Variants in KNOP1 observed in about 807,000 individuals in gnomAD.
KNOP1 encodes lysine-rich nucleolar protein 1.
Under a neutral mutation model 30.6 loss-of-function variants are expected in KNOP1, and 20 were observed. The ratio of observed to expected loss-of-function variants is 0.65; its 90% CI spans 0.46 to 0.95. The LOEUF (loss-of-function observed/expected upper bound fraction) is 0.95. Ranked by LOEUF, KNOP1 falls within the 40% of genes least tolerant of loss-of-function variation. The pLI is 0.00. For missense variants in KNOP1, 540 were observed against 562.0 expected, an observed-to-expected ratio of 0.96 and a Z score of 0.40; for synonymous variants, 204 against 210.0, an observed-to-expected ratio of 0.97 and a Z score of 0.25.
intron 2 of KNOP1, 44 bp downstream of exon 2, chr16:19,714,074 C>A: frequency 6.4e-7 from 1 of 1,558,010 alleles, no homozygotes; most frequent in Non-Finnish European, 8.7e-7. Context: ...AAACCCCACC[C>A]TTAATTCTCC....
intron 3 of KNOP1, among the ~76,000 whole-genome samples, chr16:19,710,987 A>C (rs11644834): frequency 0.34 from 51,776 of 151,482 alleles, 13,854 homozygotes; most frequent in African/African-American, 0.75. Context: ...GCCACGGGAT[A>C]TGGGAACGAC....
rs1976198576 is a variant in KNOP1 at position 19,702,420 on chromosome 16, T to C, written c.*4490A>G. On this transcript the variant is annotated 3_prime_UTR_variant, in exon 5 of 5. Coordinates refer to ENST00000219837, the MANE Select transcript of KNOP1 (RefSeq NM_001012991.3). ...TGAGGCTGAACGTGGTGGGCAGCAT[T>C]AGTTCCCAAGCCTAGGCCAGTGAAT... 6.6e-6 allele frequency: 1 copy of C among 152,256 alleles called. No homozygotes were observed. The highest frequency in any genetic ancestry group is 2.1e-4 in the South Asian group (1 of 4,836). The allele number at this position is 152,256 out of a possible 1,614,324, so 9.4% of individuals were successfully genotyped here.
rs1242528218 is a variant in KNOP1, at chr16:19,714,689, T to G, written c.347A>C (p.Asn116Thr). ...HLEFLSGEKK[N>T]KKSPLAMSHA... ...GGACATGGCTAGAGGTGACTTCTTA[T>G]TTTTCTTTTCCCCACTGAGGAACTC... The change falls in exon 2 of 5, where the codon AAT becomes ACT. Residue 116 changes from asparagine to threonine, a missense_variant. Coordinates refer to ENST00000219837, the MANE Select transcript of KNOP1 (RefSeq NM_001012991.3). 6.2e-7 allele frequency: 1 copy of G among 1,614,130 alleles called. No homozygotes were observed. The highest frequency in any genetic ancestry group is 8.5e-7 in the Non-Finnish European group (1 of 1,180,014).
intron 3 of KNOP1, 116 bp downstream of exon 3, chr16:19,711,256 T>C (rs955020541): frequency 9.9e-6 from 10 of 1,006,130 alleles, no homozygotes; most frequent in Admixed American, 1.8e-5. Flanking sequence ...CAGTGGCCTC[T>C]GGAGTCCCTG....
At chr16:19,712,886 G>T (rs1255768315) in intron 2 of KNOP1, among the ~76,000 whole-genome samples, 1 of 152,128 alleles carries the variant, frequency 6.6e-6, no homozygotes, top group Non-Finnish European at 1.5e-5. Flanking sequence ...GTGGGTCTGG[G>T]GAGCCACCAG....
chr16:19,707,976 C>T (rs1216593952), intron 4 of KNOP1, among the ~76,000 whole-genome samples: 1 of 137,948 alleles, frequency 7.2e-6, no homozygotes, highest in Admixed American at 7.3e-5. Context: ...CACCTCCCTA[C>T]ACAGCGCACC....
chr16:19,706,951 T>C lies in KNOP1; in HGVS notation c.1336A>G (p.Ile446Val), dbSNP rs370127320. 1.2e-6 allele frequency: 2 copies of C among 1,613,276 alleles called. No homozygotes were observed. The highest frequency in any genetic ancestry group is 1.7e-6 in the Non-Finnish European group (2 of 1,180,016). Residue 446 changes from isoleucine to valine, a missense_variant, in exon 5 of 5, where the codon ATT becomes GTT. Physicochemically the swap from Ile to Val is conservative, Grantham distance 29 (BLOSUM62 3). Transcript: ENST00000219837. ...FSTAPNKIFY[I>V]DRNASKSVKL... ...ACTGACTTGGAAGCGTTCCTGTCAA[T>C]GTAAAAGATCTTGTTGGGGGCGGTG...
chr16:19,716,305 G>A (rs1292007481), intron 1 of KNOP1, among the ~76,000 whole-genome samples: 2 of 152,202 alleles, frequency 1.3e-5, no homozygotes, highest in Non-Finnish European at 2.9e-5. Flanking sequence ...CACCCATCAA[G>A]AAGCAAGTAG....
At chr16:19,711,312 G>A in intron 3 of KNOP1, 60 bp downstream of exon 3, 1 of 1,549,776 alleles carries the variant, frequency 6.5e-7, no homozygotes, top group Non-Finnish European at 8.9e-7. Flanking sequence ...CAGGCAGCAA[G>A]TGAGACTCCA....
chr16:19,703,948 C>CTATT lies in KNOP1; in HGVS notation c.*2958_*2961dup, dbSNP rs1976260343. 6.6e-6 allele frequency: 1 copy of CTATT among 152,222 alleles called. No individual in the cohort carries two copies. Among genetic ancestry groups the CTATT allele is most frequent in the Non-Finnish European group, 1.5e-5 (1 of 68,098 alleles). The allele number at this position is 152,222 out of a possible 1,614,324, so 9.4% of individuals were successfully genotyped here. A position where few individuals can be genotyped will look rare whatever the true frequency, so the allele number is the denominator to read the frequency against. On this transcript the variant is annotated 3_prime_UTR_variant, in exon 5 of 5. Coordinates refer to ENST00000219837, the MANE Select transcript of KNOP1 (RefSeq NM_001012991.3). Reference sequence around the variant, plus strand: ...TGATGTTGAGTTAGAAAGTCACAGCCTATTACAGACAGAATTTACACCAGG... The same window carrying CTATT: ...TGATGTTGAGTTAGAAAGTCACAGCCTATTTATTACAGACAGAATTTACACCAGG...
rs1976237698 is a variant in KNOP1 at position 19,703,323 on chromosome 16, TTCTTA to T, written c.*3582_*3586del. 6.6e-6 allele frequency: 1 copy of T among 152,168 alleles called. No homozygotes were observed. The highest frequency in any genetic ancestry group is 2.1e-4 in the South Asian group (1 of 4,818). The allele number at this position is 152,168 out of a possible 1,614,324, so 9.4% of individuals were successfully genotyped here. A position where few individuals can be genotyped will look rare whatever the true frequency, so the allele number is the denominator to read the frequency against. On this transcript the variant is annotated 3_prime_UTR_variant, in exon 5 of 5. Coordinates refer to ENST00000219837, the MANE Select transcript of KNOP1 (RefSeq NM_001012991.3). ...AAACCAGCAGTGTCTAGTCAAGTCT[TTCTTA>T]AGTCTCTTTGATGTGGACTCTTTTT...
At chr16:19,712,206 C>T (rs1976757686) in intron 2 of KNOP1, 1 of 152,164 alleles carries the variant, frequency 6.6e-6, no homozygotes, top group East Asian at 1.9e-4. Flanking sequence ...AGGGTTCCTC[C>T]CAACTCCAAG....
In KNOP1 at chr16:19,714,572, T is replaced by G; in HGVS notation, c.464A>C (p.Lys155Thr). The G allele has an allele frequency of 6.2e-7, 1 of 1,614,052 alleles. No individual in the cohort carries two copies. Among genetic ancestry groups the G allele is most frequent in the Non-Finnish European group, 8.5e-7 (1 of 1,180,008 alleles). Reference protein sequence around the residue: ...GKKLKKHKKEKKGAQDPTAFS... With the variant: ...GKKLKKHKKETKGAQDPTAFS... The stretch of plus-strand genomic sequence containing the variant: ...GGCTGTGGGGTCCTGGGCCCCCTTT[T>G]TTTCCTTCTTGTGTTTTTTGAGCTT... Residue 155 changes from lysine (K) to threonine (T), a missense_variant, in exon 2 of 5, where the codon AAA becomes ACA. Lys to Thr is a moderately conservative substitution (Grantham distance 78, BLOSUM62 -1). Coordinates refer to ENST00000219837, the MANE Select transcript of KNOP1 (RefSeq NM_001012991.3).
In KNOP1 at chr16:19,702,981, G is replaced by A. The variant is rs1182136210; in HGVS notation, c.*3929C>T. On this transcript the variant is annotated 3_prime_UTR_variant, in exon 5 of 5. Transcript: ENST00000219837. Reference sequence around the variant, plus strand: ...CTGCACTCCAGCCTGGGCGTGGAGTGAGAGTGAGACTGTCTCAAAAAAAAA... The same window carrying A: ...CTGCACTCCAGCCTGGGCGTGGAGTAAGAGTGAGACTGTCTCAAAAAAAAA... The A allele has an allele frequency of 1.3e-5, 2 of 150,394 alleles. No individual in the cohort carries two copies. Among genetic ancestry groups the A allele is most frequent in the Non-Finnish European group, 2.9e-5 (2 of 67,850 alleles). The allele number at this position is 150,394 out of a possible 1,614,324, so 9.3% of individuals were successfully genotyped here. A position where few individuals can be genotyped will look rare whatever the true frequency, so the allele number is the denominator to read the frequency against.
At chr16:19,710,261 G>T in intron 4 of KNOP1, 1 of 576,274 alleles carries the variant, frequency 1.7e-6, no homozygotes, top group East Asian at 2.9e-5. Flanking sequence ...GTCCAGGGCT[G>T]AGACAAAGGT....
In KNOP1 at chr16:19,705,269, C is replaced by T. The variant is rs1168883728; in HGVS notation, c.*1641G>A. The T allele has an allele frequency of 8.8e-6, 4 of 456,044 alleles. No individual in the cohort carries two copies. The highest frequency in any genetic ancestry group is 1.8e-5 in the Non-Finnish European group (4 of 226,798). 28.2% of individuals were successfully genotyped at this position (456,044 alleles called of 1,614,324 possible). ...GCCACGTGAGACTGAACTTTCTGGC[C>T]ATCGAGGCCTGCCTGGGCTGGGATG... On this transcript the variant is annotated 3_prime_UTR_variant, in exon 5 of 5. Transcript: ENST00000219837.
chr16:19,707,148 A>C lies in KNOP1; in HGVS notation c.1139T>G (p.Met380Arg), dbSNP rs769144454. The C allele has an allele frequency of 1.2e-6, 2 of 1,614,096 alleles. No homozygotes were observed. Among genetic ancestry groups the C allele is most frequent in the Admixed American group, 1.7e-5 (1 of 60,010 alleles). ...EDQKLKFLRL[M>R]GGFKNLSPSF... ...AGGGGACAGGTTTTTGAAGCCACCC[A>C]TAAGTCTGAGAAATTTCAGTTTTTG... The change falls in exon 5 of 5, where the codon ATG becomes AGG. Residue 380 changes from methionine (M) to arginine (R), a missense_variant. Met to Arg is a moderately conservative substitution (Grantham distance 91, BLOSUM62 -1). Coordinates refer to ENST00000219837, the MANE Select transcript of KNOP1 (RefSeq NM_001012991.3).
intron 2 of KNOP1, chr16:19,711,736 C>T (rs1460486713): frequency 2.4e-6 from 1 of 421,986 alleles, no homozygotes; most frequent in Non-Finnish European, 4.4e-6. Flanking sequence ...TGATTCTAAC[C>T]CACATCTCCT....
At chr16:19,718,016 C>T in intron 1 of KNOP1, 142 bp downstream of exon 1, 2 of 1,357,512 alleles carry the variant, frequency 1.5e-6, no homozygotes, top group South Asian at 3.1e-5. Flanking sequence ...GGCCTCAGGC[C>T]GGAGCGGGCG....
Sources: gnomAD v4.1 joint callset for allele counts (sites outside exome capture counted in the v4.1 genomes callset) on GRCh38, gnomAD v4.1.1 for gene constraint, MANE v1.5 for transcripts, NCBI Gene and HGNC (gene_info 2026-07-23, HGNC 2026-07-21) for gene names.